MYCBP2: variants seen among roughly 807,000 people sequenced by gnomAD.
The protein encoded by MYCBP2 is MYC binding protein 2.
A neutral mutation model predicts 525.3 loss-of-function variants in MYCBP2; 120 were observed. That is an observed-to-expected ratio of 0.23 (90% CI 0.20 to 0.27). The LOEUF (loss-of-function observed/expected upper bound fraction) is 0.27. Among genes scored for constraint, MYCBP2 ranks in the 10% least tolerant of loss-of-function variants. MYCBP2 has a pLI of 1.00. For missense variants in MYCBP2, 4,149 were observed against 5,657.1 expected, an observed-to-expected ratio of 0.73 and a Z score of 8.55; for synonymous variants, 1,894 against 1,955.8, an observed-to-expected ratio of 0.97 and a Z score of 0.83.
At chr13:77,272,744 A>C (rs2075058323) in intron 5 of MYCBP2, among the ~76,000 whole-genome samples, 1 of 152,328 alleles carries the variant, frequency 6.6e-6, no homozygotes, top group African/African-American at 2.4e-5. Flanking sequence ...TCACTGAATA[A>C]GACAGAAAAT....
rs1172022037 is a variant in MYCBP2, at chr13:77,177,933, G to A, written c.5155C>T (p.His1719Tyr). 4 of 1,610,098 alleles carry A rather than the reference G, an allele frequency of 2.5e-6. No homozygotes were observed. The highest frequency in any genetic ancestry group is 2.7e-5 in the African/African-American group (2 of 74,864). Residue 1719 changes from histidine to tyrosine, a missense_variant, in exon 35 of 83, where the codon CAC becomes TAC. His to Tyr is a moderately conservative substitution (Grantham distance 83). Around this residue, in one of 21 missense-constraint regions of MYCBP2, gnomAD observed 54 missense variants for 117.0 expected, o/e 0.46. Coordinates refer to ENST00000544440, the MANE Select transcript of MYCBP2 (RefSeq NM_015057.5). ...CGGTTAGCACTAGCTTTTACAGAGT[G>A]AAGAGAATTAAGTCCATCAACCTGT... ...GSEVDGLNSL[H>Y]SVKASANRFT...
At position 77,270,492 on chromosome 13, in the gene MYCBP2, A is replaced by G. The variant is rs1461025583; in HGVS notation, c.992T>C (p.Leu331Ser). 14 of 1,613,578 alleles carry G rather than the reference A, an allele frequency of 8.7e-6. No homozygotes were observed. Among genetic ancestry groups the G allele is most frequent in the African/African-American group, 1.3e-5 (1 of 74,920 alleles). The change falls in exon 6 of 83, where the codon TTG becomes TCG. Residue 331 changes from leucine to serine, a missense_variant. By Grantham distance (145) the Leu-to-Ser change is moderately radical (BLOSUM62 -2). This residue lies in a region of MYCBP2 where 413 missense variants were observed against 451.2 expected (regional missense o/e 0.92). Coordinates refer to ENST00000544440, the MANE Select transcript of MYCBP2 (RefSeq NM_015057.5). ...GTCCTGAATTTGAATTTTTCCCACC[A>G]AAACTGCTTGTACACTTCTCTGTAG... ...NSLQRSVQAV[L>S]VGKIQIQDWF...
intron 80 of MYCBP2, among the ~76,000 whole-genome samples, chr13:77,053,208 G>C (rs2037198584): frequency 6.6e-6 from 1 of 151,350 alleles, no homozygotes; most frequent in South Asian, 2.1e-4. Context: ...TTATGCAGTA[G>C]GCAGGAACTC....
At chr13:77,061,590 C>T (rs1594130059) in intron 75 of MYCBP2, 72 bp downstream of exon 75, 2 of 1,543,556 alleles carry the variant, frequency 1.3e-6, no homozygotes, top group Admixed American at 3.9e-5. Context: ...CCCTACTACA[C>T]AAAGCCTCTT....
At chr13:77,279,026 G>A (rs2075917312) in intron 3 of MYCBP2, 115 bp from the exon 4 acceptor site, 1 of 593,456 alleles carries the variant, frequency 1.7e-6, no homozygotes, top group Non-Finnish European at 2.5e-6. Flanking sequence ...TATGTATAAT[G>A]GAGCCATAAT....
chr13:77,105,140 C>T (rs1306760738), intron 55 of MYCBP2, among the ~76,000 whole-genome samples: 1 of 152,080 alleles, frequency 6.6e-6, no homozygotes, highest in Non-Finnish European at 1.5e-5. Flanking sequence ...ATACAATCTC[C>T]TGGCCTGGCT....
rs752291996 is a variant in MYCBP2 at position 77,061,687 on chromosome 13, C to T, written c.12878G>A (p.Arg4293Gln). The T allele has an allele frequency of 7.5e-6, 12 of 1,610,074 alleles. No individual in the cohort carries two copies. The highest frequency in any genetic ancestry group is 2.7e-5 in the African/African-American group (2 of 74,750). Residue 4293 changes from arginine to glutamine, a missense_variant, in exon 75 of 83, where the codon CGA becomes CAA. Coordinates refer to ENST00000544440, the MANE Select transcript of MYCBP2 (RefSeq NM_015057.5). ...CTGTCTTTGATGAGTTTTGGTTCTT[C>T]GATGAAGGTGAAGGAATCTGTCACA... The part of the protein sequence containing the change: ...TDCDRFLHLH[R>Q]RTKTHQRQVF...
chr13:77,048,368 C>CAGT (rs1249234021), intron 82 of MYCBP2, among the ~76,000 whole-genome samples: 5 of 152,182 alleles, frequency 3.3e-5, no homozygotes, highest in Non-Finnish European at 7.3e-5. Flanking sequence ...ACCCAGTTTA[C>CAGT]AGTATTTTGT....
intron 11 of MYCBP2, 134 bp downstream of exon 11, chr13:77,261,918 TA>T: frequency 1.5e-6 from 1 of 684,694 alleles, no homozygotes; most frequent in African/African-American, 1.8e-5. Context: ...TTTTATCTTA[TA>T]AAAAATAATT....
At chr13:77,097,346 C>G (rs367651238) in intron 56 of MYCBP2, 24 bp downstream of exon 56, 4 of 1,565,790 alleles carry the variant, frequency 2.6e-6, no homozygotes, top group Non-Finnish European at 3.4e-6. Flanking sequence ...AGCACTTATA[C>G]GTACATTCAA....
intron 43 of MYCBP2, among the ~76,000 whole-genome samples, chr13:77,162,899 C>T (rs775482332): frequency 6.6e-6 from 1 of 152,146 alleles, no homozygotes; most frequent in Non-Finnish European, 1.5e-5. Context: ...TTGTGATCCA[C>T]CCACCTTGGC....
At chr13:77,123,497 A>G (rs900490789) in intron 54 of MYCBP2, among the ~76,000 whole-genome samples, 1 of 152,254 alleles carries the variant, frequency 6.6e-6, no homozygotes, top group Non-Finnish European at 1.5e-5. Flanking sequence ...CATTTTAACA[A>G]TAAGACCTAA....
chr13:77,241,050 A>G (rs2068744743), intron 17 of MYCBP2, among the ~76,000 whole-genome samples: 2 of 152,212 alleles, frequency 1.3e-5, no homozygotes, highest in South Asian at 4.1e-4. Context: ...TAGAACCTCA[A>G]TCTATCTTTG....
chr13:77,278,532 A>C (rs2075862654), intron 4 of MYCBP2, among the ~76,000 whole-genome samples: 1 of 152,246 alleles, frequency 6.6e-6, no homozygotes. Flanking sequence ...CACTTTTTAA[A>C]AACTGCAAAT....
At chr13:77,319,125 T>A (rs375874647) in intron 1 of MYCBP2, among the ~76,000 whole-genome samples, 398 of 152,216 alleles carry the variant, frequency 2.6e-3, no homozygotes, top group African/African-American at 9.0e-3. Context: ...TGTGTGTGTG[T>A]TTGTGTGTAC....
chr13:77,211,556 T>C (rs544593141), intron 22 of MYCBP2, among the ~76,000 whole-genome samples: 43 of 152,190 alleles, frequency 2.8e-4, no homozygotes, highest in Non-Finnish European at 6.2e-4. Flanking sequence ...TTATTCACAG[T>C]ATCATGGACA....
intron 33 of MYCBP2, among the ~76,000 whole-genome samples, chr13:77,181,448 T>A (rs1177904559): frequency 6.6e-6 from 1 of 152,116 alleles, no homozygotes; most frequent in African/African-American, 2.4e-5. Flanking sequence ...AACTCTCAAA[T>A]TTTTTTAAAG....
At chr13:77,195,591 TA>T (rs36069703) in intron 26 of MYCBP2, among the ~76,000 whole-genome samples, 3 of 151,216 alleles carry the variant, frequency 2.0e-5, no homozygotes, top group Non-Finnish European at 3.0e-5. Context: ...AAGAGACTCT[TA>T]AAAAAAAATA....
intron 62 of MYCBP2, among the ~76,000 whole-genome samples, chr13:77,084,636 T>A (rs1233060903): frequency 6.6e-6 from 1 of 152,082 alleles, no homozygotes; most frequent in African/African-American, 2.4e-5. Context: ...TTTCTGGGGT[T>A]TCAAGGGCAT....
Sources: allele counts gnomAD v4.1 joint callset (sites outside exome capture counted in the v4.1 genomes callset), GRCh38; gene constraint gnomAD v4.1.1; regional missense constraint gnomAD v4.1.1; transcripts MANE v1.5; gene names NCBI Gene and HGNC (gene_info 2026-07-23, HGNC 2026-07-21).